Variants in SIGIRR observed in about 807,000 individuals in gnomAD.
SIGIRR encodes the protein single Ig and TIR domain containing.
SIGIRR carries 41 observed loss-of-function variants against 45.6 expected under a neutral mutation model. The observed-to-expected ratio is 0.90, with a 90% CI of 0.70 to 1.17. SIGIRR has a LOEUF of 1.17. SIGIRR is among the 50% of genes most tolerant of loss of function. SIGIRR has a pLI of 0.00. For missense variants in SIGIRR, 599 were observed against 539.6 expected (o/e 1.11, Z -1.09); for synonymous variants, 298 against 239.0 (o/e 1.25, Z -2.28).
intron 3 of SIGIRR, among the ~76,000 whole-genome samples, chr11:408,477 C>G (rs1037453386): frequency 1.3e-5 from 2 of 152,188 alleles, no homozygotes; most frequent in Admixed American, 1.3e-4. Flanking sequence ...TTTGCTGACA[C>G]CCGTAGCCCT....
chr11:406,271 G>A (rs1847294159), intron 9 of SIGIRR, 78 bp downstream of exon 9: 1 of 1,557,860 alleles, frequency 6.4e-7, no homozygotes, highest in Non-Finnish European at 8.7e-7. Context: ...GCCCCTCCAG[G>A]CCCTGTGCCC....
chr11:408,136 AGACTTC>A lies in SIGIRR; in HGVS notation c.271_276del (p.Glu91_Val92del), dbSNP rs1234150834. ...TGGATGGAGCAGGTGAAGGCCCCATAGACTTCAGTGCTGGTCACGTTGACCCCCAGG... is the reference window on the plus strand; with the variant it reads ...TGGATGGAGCAGGTGAAGGCCCCATAAGTGCTGGTCACGTTGACCCCCAGG... On this transcript the variant is annotated inframe_deletion, in exon 4 of 10. Coordinates refer to ENST00000431843, the MANE Select transcript of SIGIRR (RefSeq NM_001135054.2). 1.9e-6 allele frequency: 3 copies of A among 1,612,678 alleles called. No homozygotes were observed. The highest frequency in any genetic ancestry group is 1.7e-6 in the Non-Finnish European group (2 of 1,179,968).
At chr11:408,254 CACCCCCGA>C in intron 3 of SIGIRR, 48 bp from the exon 4 acceptor site, 3 of 1,595,860 alleles carry the variant, frequency 1.9e-6, no homozygotes, top group Non-Finnish European at 2.6e-6. Flanking sequence ...TACCAGTGGA[CACCCCCGA>C]ACCCCACCTG....
intron 3 of SIGIRR, 107 bp from the exon 4 acceptor site, chr11:408,313 G>T: frequency 1.4e-6 from 2 of 1,449,510 alleles, no homozygotes; most frequent in South Asian, 1.3e-5. Flanking sequence ...GGGCCTCCTG[G>T]GTGGTTCTTG....
At chr11:407,716 G>A (rs1255601166) in intron 5 of SIGIRR, 101 bp downstream of exon 5, 6 of 1,573,126 alleles carry the variant, frequency 3.8e-6, no homozygotes, top group Non-Finnish European at 5.2e-6. Context: ...GCACCCGGGG[G>A]CTAACCCCTC....
At position 407,077 on chromosome 11, in the gene SIGIRR, C is replaced by CTTTTTT; in HGVS notation, c.712_713insAAAAAA (p.Cys238delinsTer). ...CGGGACCCACCGGAAGCTGTGGCTG[C>CTTTTTT]ACCAGGCCCGGCTCAGGAAGGCGTC... On this transcript the variant is annotated stop_gained, in exon 7 of 10. Transcript: ENST00000431843. LOFTEE classifies it high-confidence loss of function. 6 of 1,578,432 alleles carry CTTTTTT rather than the reference C, an allele frequency of 3.8e-6. No individual in the cohort carries two copies. The Admixed American group carries it at 7.1e-5, about 19-fold the overall frequency.
chr11:410,224 C>G (rs577238896), intron 1 of SIGIRR, among the ~76,000 whole-genome samples, 197 bp from the exon 2 acceptor site: 4 of 152,278 alleles, frequency 2.6e-5, no homozygotes, highest in Admixed American at 2.6e-4. Flanking sequence ...TCACGCAGCC[C>G]AGGACCACGG....
At chr11:415,303 TTGTG>T (rs1450111433), upstream of SIGIRR, among the ~76,000 whole-genome samples, 7 of 148,332 alleles carry the variant, frequency 4.7e-5, no homozygotes, top group Non-Finnish European at 9.0e-5. The surrounding 1 kb of genome is among the most constrained non-coding windows in gnomAD (Gnocchi z 6.6). Flanking sequence ...GTGCGTGCGT[TTGTG>T]TGTGTGCGTG....
chr11:416,594 G>T (rs1198633468), upstream of SIGIRR, among the ~76,000 whole-genome samples: 1 of 152,098 alleles, frequency 6.6e-6, no homozygotes, highest in Non-Finnish European at 1.5e-5. This position sits in a 1 kb window ranked among gnomAD's most constrained non-coding sequence, Gnocchi z 9.1. Flanking sequence ...GCCCCTGCCC[G>T]GTGGGTTCGA....
At chr11:411,641 G>T (rs1157371376) in intron 1 of SIGIRR, among the ~76,000 whole-genome samples, 82 of 115,448 alleles carry the variant, frequency 7.1e-4, no homozygotes, top group African/African-American at 2.4e-3. Context: ...CAGTCGGGGG[G>T]TGCCCAGCTC....
intron 1 of SIGIRR, among the ~76,000 whole-genome samples, chr11:413,717 T>C (rs1847775422): frequency 8.0e-6 from 1 of 125,514 alleles, no homozygotes; most frequent in African/African-American, 3.2e-5. Context: ...CTGCACCCTC[T>C]TCCCGCACCC....
Position 406,479 on chromosome 11 carries a change from G to A in SIGIRR, c.939C>T (p.Tyr313=). 6.2e-7 allele frequency: 1 copy of A among 1,612,372 alleles called. No homozygotes were observed. Among genetic ancestry groups the A allele is most frequent in the Non-Finnish European group, 8.5e-7 (1 of 1,179,674 alleles). ...TCTGGGGGTCTCCTTCCACAGGCCT[G>A]TACTGCACCTTCCGCGGCAGCGCCA... ...VQLALPRKVQ[Y]RPVEGDPQTQ... Residue 313 remains tyrosine (Y), a synonymous_variant, in exon 9 of 10, where the codon TAC becomes TAT. Coordinates refer to ENST00000431843, the MANE Select transcript of SIGIRR (RefSeq NM_001135054.2).
At chr11:414,040 C>T (rs559187453) in intron 1 of SIGIRR, among the ~76,000 whole-genome samples, 5 of 93,464 alleles carry the variant, frequency 5.3e-5, no homozygotes, top group East Asian at 3.3e-4. Context: ...ACACCTTCCC[C>T]TGCACTCTCT....
intron 1 of SIGIRR, 148 bp downstream of exon 1, chr11:414,675 G>T: frequency 5.0e-6 from 2 of 402,076 alleles, no homozygotes; most frequent in Non-Finnish European, 6.7e-6. Context: ...ACCCACCCTT[G>T]GCCGCTGATG....
At chr11:414,756 C>T (rs889219027) in intron 1 of SIGIRR, 67 bp downstream of exon 1, 15 of 963,176 alleles carry the variant, frequency 1.6e-5, no homozygotes, top group East Asian at 1.1e-4. Flanking sequence ...GGGTCTTGGG[C>T]GCCGTGGGCC....
In SIGIRR at chr11:406,533, A is replaced by G. The variant is rs1847312864; in HGVS notation, c.885T>C (p.Pro295=). Residue 295 remains proline, a synonymous_variant, in exon 9 of 10, where the codon CCT becomes CCC. Transcript: ENST00000431843. ...LLLWRPGSVT[P]SSDFWKEVQL... The stretch of plus-strand genomic sequence containing the variant: ...GCACTTCTTTCCAAAAATCGGAGGA[A>G]GGAGTCTGGGGGCCAGGTCGGGGCG... 6.2e-7 allele frequency: 1 copy of G among 1,608,528 alleles called. No homozygotes were observed.
chr11:406,763 A>T, intron 8 of SIGIRR, 80 bp downstream of exon 8: 1 of 1,440,706 alleles, frequency 6.9e-7, no homozygotes, highest in Non-Finnish European at 9.1e-7. Context: ...CTCCCCACGG[A>T]GGGGTCCCAG....
In SIGIRR at chr11:406,527, G is replaced by A. The variant is rs926158344; in HGVS notation, c.891C>T (p.Ser297=). The part of the protein sequence containing the change: ...LWRPGSVTPS[S]DFWKEVQLAL... ...CCAGCTGCACTTCTTTCCAAAAATC[G>A]GAGGAAGGAGTCTGGGGGCCAGGTC... Residue 297 remains serine (S), a synonymous_variant, in exon 9 of 10, where the codon TCC becomes TCT. Coordinates refer to ENST00000431843, the MANE Select transcript of SIGIRR (RefSeq NM_001135054.2). 1.2e-6 allele frequency: 2 copies of A among 1,608,744 alleles called. No homozygotes were observed. The highest frequency in any genetic ancestry group is 1.7e-6 in the Non-Finnish European group (2 of 1,176,844).
intron 2 of SIGIRR, 50 bp from the exon 3 acceptor site, chr11:408,943 A>C (rs1260900644): frequency 1.3e-6 from 2 of 1,543,060 alleles, no homozygotes; most frequent in Non-Finnish European, 1.8e-6. Context: ...GCCTGGCCCC[A>C]CCACCTCCAC....
Sources: allele counts gnomAD v4.1 joint callset (sites outside exome capture counted in the v4.1 genomes callset), GRCh38; gene constraint gnomAD v4.1.1; non-coding constraint Gnocchi (gnomAD v3.1); transcripts MANE v1.5; gene names NCBI Gene and HGNC (gene_info 2026-07-23, HGNC 2026-07-21).